CCDC158: variants seen among roughly 807,000 people sequenced by gnomAD.
CCDC158 encodes the protein coiled-coil domain-containing protein 158.
Under a neutral mutation model 138.6 loss-of-function variants are expected in CCDC158, and 116 were observed. That is an observed-to-expected ratio of 0.84 (90% CI 0.72 to 0.98). The LOEUF is 0.98. Ranked by LOEUF, CCDC158 falls within the 50% of genes least tolerant of loss-of-function variation. The pLI, the probability that CCDC158 is intolerant of heterozygous loss-of-function variation, is 0.00. For synonymous variants in CCDC158, 436 were observed against 442.4 expected, an observed-to-expected ratio of 0.99 and a Z score of 0.18; for missense variants, 1,265 against 1,306.1, an observed-to-expected ratio of 0.97 and a Z score of 0.48.
chr4:76,352,427 A>ATAAAG (rs386400542), intron 16 of CCDC158: 1 of 152,198 alleles, frequency 6.6e-6, no homozygotes, highest in Non-Finnish European at 1.5e-5. Flanking sequence ...ATAAAATAAA[A>ATAAAG]TAAATTTTAA....
Position 76,369,639 on chromosome 4 carries a change from A to C in CCDC158, c.1150-16T>G, listed in dbSNP as rs773443969. 1 of 1,588,810 alleles carries C rather than the reference A, an allele frequency of 6.3e-7. No individual in the cohort carries two copies. Among genetic ancestry groups the C allele is most frequent in the South Asian group, 1.1e-5 (1 of 89,962 alleles). On this transcript the variant is annotated splice_polypyrimidine_tract_variant and intron_variant, in intron 10 of 24. Coordinates refer to ENST00000682701, the MANE Select transcript of CCDC158 (RefSeq NM_001394954.1). The stretch of plus-strand genomic sequence containing the variant: ...GTAGATCAGCCTAAAAAAAGAGAGG[A>C]ATGCTTTTTTCCTCCCTGCTATTAA...
chr4:76,359,201 T>C (rs1002398289), intron 13 of CCDC158, among the ~76,000 whole-genome samples: 2 of 152,220 alleles, frequency 1.3e-5, no homozygotes, highest in Non-Finnish European at 2.9e-5. Flanking sequence ...CCATGCTTCC[T>C]GTGCAGCCTG....
intron 14 of CCDC158, chr4:76,356,525 G>A (rs1328227862): frequency 6.6e-6 from 1 of 152,002 alleles, no homozygotes; most frequent in Non-Finnish European, 1.5e-5. Flanking sequence ...GGGGAGCAGG[G>A]GCAGCAGACC....
chr4:76,401,794 T>A (rs550750537), intron 3 of CCDC158, among the ~76,000 whole-genome samples: 2 of 152,244 alleles, frequency 1.3e-5, no homozygotes, highest in South Asian at 4.1e-4. Context: ...TATTACAGGA[T>A]GACGATGCAC....
intron 4 of CCDC158, among the ~76,000 whole-genome samples, chr4:76,387,687 G>A (rs1726934513): frequency 1.3e-5 from 2 of 152,066 alleles, no homozygotes; most frequent in Admixed American, 6.6e-5. Context: ...GCCGGGCGTG[G>A]TGGTGCGCGC....
At chr4:76,389,151 T>C (rs538788650) in intron 4 of CCDC158, among the ~76,000 whole-genome samples, 2 of 152,112 alleles carry the variant, frequency 1.3e-5, no homozygotes, top group Admixed American at 6.5e-5. Context: ...AACAGAGATA[T>C]ATGACTTTTC....
intron 18 of CCDC158, among the ~76,000 whole-genome samples, chr4:76,335,748 CT>C (rs2110114356): frequency 6.6e-6 from 1 of 152,182 alleles, no homozygotes; most frequent in South Asian, 2.1e-4. Context: ...GACCAGCTAA[CT>C]TTTTTGTAGA....
intron 18 of CCDC158, among the ~76,000 whole-genome samples, chr4:76,334,428 T>A (rs1721282973): frequency 6.6e-6 from 1 of 152,188 alleles, no homozygotes. Flanking sequence ...TAAACTACTT[T>A]TGTTTTAAAA....
intron 4 of CCDC158, among the ~76,000 whole-genome samples, chr4:76,392,371 C>T (rs1397922090): frequency 1.3e-5 from 2 of 151,846 alleles, no homozygotes; most frequent in Admixed American, 6.6e-5. Flanking sequence ...AAAACAAAAA[C>T]CATATGATTA....
chr4:76,382,008 G>A (rs1013287187), intron 8 of CCDC158, among the ~76,000 whole-genome samples: 1 of 152,200 alleles, frequency 6.6e-6, no homozygotes, highest in Non-Finnish European at 1.5e-5. Flanking sequence ...ATGTGAGAAA[G>A]ACATGATATT....
rs545704935 is a variant in CCDC158 at position 76,353,592 on chromosome 4, G to A, written c.2287-311C>T. Reference sequence around the variant, plus strand: ...TTTAGTGAATTAGGATCAAATAATCGTATATCAAATTTTACTAAAATTTAT... The same window carrying A: ...TTTAGTGAATTAGGATCAAATAATCATATATCAAATTTTACTAAAATTTAT... On this transcript the variant is annotated intron_variant, in intron 15 of 24. Transcript: ENST00000682701. Among the ~76,000 whole-genome samples the A allele has an allele frequency of 4.6e-5, 7 of 152,106 alleles. No individual in the cohort carries two copies. The South Asian group carries it at 6.2e-4, about 14-fold the overall frequency.
chr4:76,399,930 G>A (rs148373854), intron 3 of CCDC158, among the ~76,000 whole-genome samples: 13 of 152,266 alleles, frequency 8.5e-5, no homozygotes, highest in Non-Finnish European at 1.8e-4. Context: ...CTCTTCCATT[G>A]AGCTATGGGA....
upstream of CCDC158, among the ~76,000 whole-genome samples, chr4:76,421,565 A>G (rs1454613983): frequency 3.3e-5 from 5 of 151,836 alleles, no homozygotes; most frequent in Admixed American, 3.3e-4. Context: ...TGGTCTTCCC[A>G]GATAACTCAC....
In CCDC158 at chr4:76,351,772, C is replaced by A. The variant is rs149122809; in HGVS notation, c.2486G>T (p.Arg829Leu). 6.2e-7 allele frequency: 1 copy of A among 1,613,296 alleles called. No individual in the cohort carries two copies. Among genetic ancestry groups the A allele is most frequent in the Non-Finnish European group, 8.5e-7 (1 of 1,179,450 alleles). Residue 829 changes from arginine to leucine, a missense_variant, in exon 17 of 25, where the codon CGT becomes CTT. Arg to Leu is a moderately radical substitution (Grantham distance 102). Coordinates refer to ENST00000682701, the MANE Select transcript of CCDC158 (RefSeq NM_001394954.1). ...QFAECQDIIQ[R>L]QEQESVRLKL... ...TAAGCGCACTGATTCTTGCTCCTGA[C>A]GCTGTATTATATCTTGACATTCTGC...
intron 18 of CCDC158, among the ~76,000 whole-genome samples, chr4:76,341,127 T>C (rs987694075): frequency 5.3e-5 from 8 of 152,204 alleles, no homozygotes; most frequent in Non-Finnish European, 1.2e-4. Context: ...AAATTTTTCA[T>C]AAATTATATC....
intron 20 of CCDC158, among the ~76,000 whole-genome samples, chr4:76,331,701 G>A (rs1560792052): frequency 6.6e-6 from 1 of 152,154 alleles, no homozygotes; most frequent in African/African-American, 2.4e-5. Context: ...GAATCAGGAG[G>A]AGTCTGGTTT....
At chr4:76,418,720 C>T (rs543327775) in intron 1 of CCDC158, among the ~76,000 whole-genome samples, 2 of 152,220 alleles carry the variant, frequency 1.3e-5, no homozygotes, top group South Asian at 4.2e-4. Context: ...AAGACCTGCC[C>T]CCATGATTCA....
intron 11 of CCDC158, among the ~76,000 whole-genome samples, chr4:76,368,501 C>T (rs1174649738): frequency 1.3e-5 from 2 of 152,204 alleles, no homozygotes; most frequent in Non-Finnish European, 2.9e-5. Context: ...CCTTGGTTTG[C>T]TTTCACATTC....
At chr4:76,368,603 G>A (rs889510781) in intron 11 of CCDC158, among the ~76,000 whole-genome samples, 2 of 152,248 alleles carry the variant, frequency 1.3e-5, no homozygotes, top group Non-Finnish European at 1.5e-5. Flanking sequence ...AAAGTACACT[G>A]CTATTAAGAA....
Sources: allele counts gnomAD v4.1 joint callset (sites outside exome capture counted in the v4.1 genomes callset), GRCh38; gene constraint gnomAD v4.1.1; transcripts MANE v1.5; gene names NCBI Gene and HGNC (gene_info 2026-07-23, HGNC 2026-07-21).